TNNI3K: variants seen among roughly 807,000 people sequenced by gnomAD.
TNNI3K encodes serine/threonine-protein kinase TNNI3K.
Under a neutral mutation model 114.5 loss-of-function variants are expected in TNNI3K, and 140 were observed. The ratio of observed to expected loss-of-function variants is 1.22; its 90% confidence interval spans 1.07 to 1.41. The LOEUF (loss-of-function observed/expected upper bound fraction) is 1.41, where lower values mean the gene tolerates loss of function less well. Among genes scored for constraint, TNNI3K ranks in the 40% most tolerant of loss-of-function variants. The pLI is 0.00. For missense variants in TNNI3K, 1,125 were observed against 1,007.6 expected, an observed-to-expected ratio of 1.12 and a Z score of -1.58; for synonymous variants, 347 against 347.5, an observed-to-expected ratio of 1.00 and a Z score of 0.02.
intron 22 of TNNI3K, among the ~76,000 whole-genome samples, chr1:74,491,547 A>G (rs1051002299): frequency 1.3e-5 from 2 of 152,176 alleles, no homozygotes; most frequent in Non-Finnish European, 2.9e-5. Flanking sequence ...GCCAAGTCCA[A>G]CAGGTGTTTT....
chr1:74,317,358 T>G (rs1398223727), intron 5 of TNNI3K, among the ~76,000 whole-genome samples: 1 of 152,236 alleles, frequency 6.6e-6, no homozygotes, highest in Non-Finnish European at 1.5e-5. Context: ...ATGCTTACTA[T>G]GGATTAAGTG....
intron 5 of TNNI3K, among the ~76,000 whole-genome samples, chr1:74,288,295 C>A (rs1331309187): frequency 6.6e-6 from 1 of 152,082 alleles, no homozygotes; most frequent in Non-Finnish European, 1.5e-5. Flanking sequence ...TTCTATTGCT[C>A]TCTCATTCGT....
Position 74,489,167 on chromosome 1 carries a change from A to T in TNNI3K, c.2122-22A>T, listed in dbSNP as rs1160328965. ...CCTTCCTTTTATTCTTAAGGGAAAA[A>T]AGTTCTTTTTTCTATTTACAGGGAA... On this transcript the variant is annotated intron_variant, in intron 21 of 24. Transcript: ENST00000326637. The T allele has an allele frequency of 1.9e-6, 3 of 1,598,210 alleles. No homozygotes were observed. In the African/African-American group the frequency reaches 4.2e-5, roughly 22 times the overall value.
At chr1:74,407,392 G>A (rs1345968227) in intron 17 of TNNI3K, among the ~76,000 whole-genome samples, 1 of 152,174 alleles carries the variant, frequency 6.6e-6, no homozygotes, top group Admixed American at 6.5e-5. Context: ...TGATGCCTAA[G>A]TGTAAAGGAA....
At chr1:74,424,689 C>A (rs1665547686) in intron 17 of TNNI3K, among the ~76,000 whole-genome samples, 1 of 142,590 alleles carries the variant, frequency 7.0e-6, no homozygotes, top group African/African-American at 2.5e-5. Context: ...CCACTGCACT[C>A]CAGCCTGGGT....
intron 20 of TNNI3K, among the ~76,000 whole-genome samples, chr1:74,445,063 C>G (rs562685785): frequency 8.5e-5 from 13 of 152,176 alleles, no homozygotes; most frequent in East Asian, 1.9e-4. Flanking sequence ...AAATGTAAAA[C>G]CCAAAACCAT....
intron 23 of TNNI3K, among the ~76,000 whole-genome samples, chr1:74,529,169 A>T (rs1204203905): frequency 6.6e-6 from 1 of 152,238 alleles, no homozygotes. Context: ...CAAAATACTT[A>T]TTAATTACAA....
intron 5 of TNNI3K, among the ~76,000 whole-genome samples, chr1:74,306,634 G>A (rs890710000): frequency 6.6e-6 from 1 of 152,138 alleles, no homozygotes; most frequent in South Asian, 2.1e-4. Flanking sequence ...GATTAGTAAT[G>A]TTAGGCATTT....
At chr1:74,339,128 A>G (rs1239660546) in intron 7 of TNNI3K, among the ~76,000 whole-genome samples, 1 of 152,118 alleles carries the variant, frequency 6.6e-6, no homozygotes, top group South Asian at 2.1e-4. Flanking sequence ...TATGATCAGC[A>G]TGTCTCTTTC....
intron 17 of TNNI3K, among the ~76,000 whole-genome samples, chr1:74,422,471 A>G (rs535675614): frequency 6.6e-6 from 1 of 152,122 alleles, no homozygotes; most frequent in Non-Finnish European, 1.5e-5. Flanking sequence ...AGCTCAGTCA[A>G]TTAATTTCTT....
intron 17 of TNNI3K, chr1:74,374,779 G>T (rs1258557139): frequency 2.0e-5 from 3 of 151,886 alleles, no homozygotes; most frequent in Non-Finnish European, 4.4e-5. Flanking sequence ...TCTCTAATTT[G>T]CTGTAGACCT....
intron 5 of TNNI3K, among the ~76,000 whole-genome samples, chr1:74,290,903 G>A (rs745699918): frequency 2.8e-4 from 42 of 151,630 alleles, no homozygotes; most frequent in South Asian, 4.1e-4. Context: ...CACACTAAAT[G>A]CTTCTGAAGC....
At chr1:74,449,581 C>CA (rs1056876439) in intron 20 of TNNI3K, among the ~76,000 whole-genome samples, 274 of 151,070 alleles carry the variant, frequency 1.8e-3, no homozygotes, top group Non-Finnish European at 2.8e-3. Flanking sequence ...AAATGGAAAA[C>CA]AAAAAAAGGC....
Position 74,451,023 on chromosome 1 carries a change from G to T in TNNI3K, c.2011+11401G>T, listed in dbSNP as rs557980668. Among the ~76,000 whole-genome samples the T allele has an allele frequency of 2.6e-5, 4 of 152,286 alleles. No individual in the cohort carries two copies. In the Middle Eastern group the frequency reaches 0.01, roughly 388 times the overall value. On this transcript the variant is annotated intron_variant, in intron 20 of 24. Transcript: ENST00000326637. Reference sequence around the variant, plus strand: ...CCAAATGCCCATCAATTATAGATTGGATAAGGAAAATGTGGTACATATACA... The same window carrying T: ...CCAAATGCCCATCAATTATAGATTGTATAAGGAAAATGTGGTACATATACA...
chr1:74,480,519 G>A, intron 21 of TNNI3K: 1 of 717,512 alleles, frequency 1.4e-6, no homozygotes, highest in East Asian at 2.7e-5. Context: ...AGTTGAGGCA[G>A]GGGCCGGAAG....
At chr1:74,432,918 T>A (rs1405620305) in intron 17 of TNNI3K, among the ~76,000 whole-genome samples, 1 of 152,060 alleles carries the variant, frequency 6.6e-6, no homozygotes. Flanking sequence ...TACAGGACAC[T>A]GATTTCACCT....
At chr1:74,456,782 A>G (rs1479710721) in intron 20 of TNNI3K, among the ~76,000 whole-genome samples, 1 of 152,050 alleles carries the variant, frequency 6.6e-6, no homozygotes, top group Non-Finnish European at 1.5e-5. Flanking sequence ...ACATCTGCCA[A>G]TTTTTTCTAG....
chr1:74,401,587 G>A (rs994887714), intron 17 of TNNI3K, among the ~76,000 whole-genome samples: 5 of 152,196 alleles, frequency 3.3e-5, no homozygotes, highest in Non-Finnish European at 5.9e-5. Flanking sequence ...ATGAGCTACA[G>A]AGGGAAGTAC....
chr1:74,529,012 A>G (rs532526321), intron 23 of TNNI3K, among the ~76,000 whole-genome samples: 4 of 152,236 alleles, frequency 2.6e-5, no homozygotes, highest in Non-Finnish European at 5.9e-5. Context: ...GTGGTCAACT[A>G]TGAGTTAATT....
Sources: allele counts gnomAD v4.1 joint callset (sites outside exome capture counted in the v4.1 genomes callset), GRCh38; gene constraint gnomAD v4.1.1; transcripts MANE v1.5; gene names NCBI Gene and HGNC (gene_info 2026-07-23, HGNC 2026-07-21).